The following DTD1 variants were observed in gnomAD, a reference collection of about 807,000 sequenced individuals.
The protein encoded by DTD1 is D-tyrosyl-tRNA deacylase 1 homolog.
Under a neutral mutation model 25.6 loss-of-function variants are expected in DTD1, and 13 were observed. The observed-to-expected ratio is 0.51, with a 90% CI of 0.33 to 0.81. DTD1 has a LOEUF of 0.81. DTD1 is among the 30% of genes least tolerant of loss of function. The pLI is 0.02. For missense variants in DTD1, 193 were observed against 266.4 expected (o/e 0.72, Z 1.92); for synonymous variants, 110 against 103.6 (o/e 1.06, Z -0.37).
chr20:18,758,736 C>T (rs189803880), intron 5 of DTD1, among the ~76,000 whole-genome samples: 40 of 152,234 alleles, frequency 2.6e-4, no homozygotes, highest in African/African-American at 7.7e-4. Context: ...CTGAAAAGAA[C>T]GTATATCCTG....
At chr20:18,601,647 C>T (rs1300211734) in intron 3 of DTD1, among the ~76,000 whole-genome samples, 2 of 151,714 alleles carry the variant, frequency 1.3e-5, no homozygotes, top group Admixed American at 1.3e-4. Context: ...CTGGGAGGCA[C>T]CCCCCAGCAG....
At chr20:18,762,134 G>A (rs1007354941) in intron 5 of DTD1, among the ~76,000 whole-genome samples, 21 of 152,328 alleles carry the variant, frequency 1.4e-4, no homozygotes, top group African/African-American at 5.1e-4. Context: ...GTCTATGGAA[G>A]CATCTGCTTG....
At chr20:18,692,717 G>A (rs1268647825) in intron 4 of DTD1, among the ~76,000 whole-genome samples, 1 of 152,056 alleles carries the variant, frequency 6.6e-6, no homozygotes, top group South Asian at 2.1e-4. Flanking sequence ...GGCACCATAC[G>A]CCTATAAATT....
At chr20:18,631,020 A>G (rs993102446) in intron 4 of DTD1, 2 of 979,578 alleles carry the variant, frequency 2.0e-6, no homozygotes, top group Non-Finnish European at 2.4e-6. Context: ...AGTCTACCAG[A>G]TACCTCCATG....
chr20:18,631,872 C>G (rs1345901662), intron 4 of DTD1: 1 of 984,986 alleles, frequency 1.0e-6, no homozygotes, highest in Non-Finnish European at 1.2e-6. Flanking sequence ...TACATTTTGC[C>G]TTTAGAATCT....
chr20:18,662,646 G>A (rs2060915689), intron 4 of DTD1, among the ~76,000 whole-genome samples: 1 of 152,222 alleles, frequency 6.6e-6, no homozygotes, highest in Non-Finnish European at 1.5e-5. Flanking sequence ...TGTCCATAGT[G>A]TAGAATACTG....
intron 4 of DTD1, among the ~76,000 whole-genome samples, chr20:18,666,920 G>A (rs1321077586): frequency 6.6e-6 from 1 of 152,140 alleles, no homozygotes; most frequent in Non-Finnish European, 1.5e-5. Context: ...GATTTGTACC[G>A]AATTTCTAAG....
Position 18,740,426 on chromosome 20 carries a change from A to G in DTD1, c.478-3674A>G, listed in dbSNP as rs186563017. Among the ~76,000 whole-genome samples the G allele has an allele frequency of 8.2e-3, 1,249 of 152,182 alleles. 18 individuals carry two copies. The highest frequency in any genetic ancestry group is 0.01 in the Non-Finnish European group (708 of 68,012). On this transcript the variant is annotated intron_variant, in intron 4 of 5. Transcript: ENST00000377452. ...CTCAGCATCTAATTTGGACCTGTTC[A>G]TGAGTATTTATATATGTGTGTATAT...
intron 3 of DTD1, among the ~76,000 whole-genome samples, chr20:18,614,438 A>G (rs931340236): frequency 1.3e-5 from 2 of 152,170 alleles, no homozygotes; most frequent in Non-Finnish European, 2.9e-5. Flanking sequence ...CTTCGGCTGG[A>G]GAAATGACAG....
chr20:18,607,132 C>T (rs191340158), intron 3 of DTD1, among the ~76,000 whole-genome samples: 4 of 152,164 alleles, frequency 2.6e-5, no homozygotes, highest in African/African-American at 7.2e-5. Flanking sequence ...TCTTTTTATA[C>T]ATTGTTGGAT....
chr20:18,736,099 C>T (rs2061254106), intron 4 of DTD1, among the ~76,000 whole-genome samples: 1 of 152,136 alleles, frequency 6.6e-6, no homozygotes, highest in South Asian at 2.1e-4. Flanking sequence ...CACCTGTGTT[C>T]TGAAAGGACT....
At chr20:18,628,667 C>T (rs755215073) in intron 4 of DTD1, among the ~76,000 whole-genome samples, 6 of 152,222 alleles carry the variant, frequency 3.9e-5, no homozygotes, top group Non-Finnish European at 8.8e-5. Context: ...TTTTCTAAAG[C>T]AGTGTCTGAC....
At chr20:18,760,853 CA>C (rs1342130888) in intron 5 of DTD1, among the ~76,000 whole-genome samples, 4 of 152,220 alleles carry the variant, frequency 2.6e-5, no homozygotes, top group Non-Finnish European at 5.9e-5. Flanking sequence ...CAGAGGCAGG[CA>C]GGCCTCCTTG....
chr20:18,608,672 G>A (rs1158846837), intron 3 of DTD1, among the ~76,000 whole-genome samples: 1 of 152,070 alleles, frequency 6.6e-6, no homozygotes, highest in Non-Finnish European at 1.5e-5. Flanking sequence ...TTAACAATTC[G>A]GACCAGCCAC....
intron 4 of DTD1, among the ~76,000 whole-genome samples, chr20:18,729,356 G>A (rs2061232922): frequency 2.0e-5 from 3 of 152,228 alleles, no homozygotes; most frequent in African/African-American, 7.2e-5. Context: ...AAATGGCAGT[G>A]ATAACACACG....
At chr20:18,689,579 A>G (rs940491183) in intron 4 of DTD1, among the ~76,000 whole-genome samples, 2 of 152,258 alleles carry the variant, frequency 1.3e-5, no homozygotes, top group South Asian at 2.1e-4. Flanking sequence ...GAGAGGGTCA[A>G]TGGGGGCAGG....
chr20:18,683,674 A>G (rs889886911), intron 4 of DTD1, among the ~76,000 whole-genome samples: 1 of 152,150 alleles, frequency 6.6e-6, no homozygotes, highest in African/African-American at 2.4e-5. Context: ...GCTTTTTGCA[A>G]TTCAAAGATA....
intron 4 of DTD1, among the ~76,000 whole-genome samples, chr20:18,686,493 A>G (rs2122423544): frequency 6.6e-6 from 1 of 152,384 alleles, no homozygotes; most frequent in African/African-American, 2.4e-5. Context: ...TCCCAGCAGC[A>G]AAGTATAAGA....
rs117394728 is a variant in DTD1, at chr20:18,703,651, T to A, written c.478-40449T>A. 8.1e-3 allele frequency among the ~76,000 whole-genome samples: 1,237 copies of A among 152,176 alleles called. 18 individuals are homozygous for A. Among genetic ancestry groups the A allele is most frequent in the Non-Finnish European group, 0.01 (701 of 68,008 alleles). Reference sequence around the variant, plus strand: ...TTAATCTCCCAACCTTTCTACTAAGTTTTTAATTTTGGCAAGCAATTTTTA... The same window carrying A: ...TTAATCTCCCAACCTTTCTACTAAGATTTTAATTTTGGCAAGCAATTTTTA... On this transcript the variant is annotated intron_variant, in intron 4 of 5. Coordinates refer to ENST00000377452, the MANE Select transcript of DTD1 (RefSeq NM_080820.6).
Sources: allele counts gnomAD v4.1 joint callset (sites outside exome capture counted in the v4.1 genomes callset), GRCh38; gene constraint gnomAD v4.1.1; transcripts MANE v1.5; gene names NCBI Gene and HGNC (gene_info 2026-07-23, HGNC 2026-07-21).